Variants in HS3ST3B1 observed in about 807,000 individuals in gnomAD.
HS3ST3B1 encodes the protein heparan sulfate glucosamine 3-O-sulfotransferase 3B1.
In HS3ST3B1, 13 loss-of-function variants were observed where a neutral mutation model predicts 21.3. That is an observed-to-expected ratio of 0.61 (90% CI 0.40 to 0.97). HS3ST3B1 has a LOEUF of 0.97. HS3ST3B1 is among the 50% of genes least tolerant of loss of function. The pLI is 0.00. For synonymous variants in HS3ST3B1, 234 were observed against 254.8 expected, an observed-to-expected ratio of 0.92 and a Z score of 0.78; for missense variants, 459 against 554.8, an observed-to-expected ratio of 0.83 and a Z score of 1.73.
intron 1 of HS3ST3B1, among the ~76,000 whole-genome samples, chr17:14,344,745 A>T (rs925964392): frequency 1.3e-5 from 2 of 152,164 alleles, no homozygotes. Context: ...CTGGGAAAAT[A>T]AGGGAAAGGT....
At chr17:14,305,479 T>C (rs1047709638) in intron 1 of HS3ST3B1, 1 of 152,234 alleles carries the variant, frequency 6.6e-6, no homozygotes, top group African/African-American at 2.4e-5. Context: ...AAAGTTTGAA[T>C]GACCAAAAAT....
intron 1 of HS3ST3B1, among the ~76,000 whole-genome samples, chr17:14,318,014 G>A (rs1487082904): frequency 6.6e-6 from 1 of 152,170 alleles, no homozygotes; most frequent in Non-Finnish European, 1.5e-5. Flanking sequence ...TCCCGATGGT[G>A]TTTGCAAATA....
intron 1 of HS3ST3B1, among the ~76,000 whole-genome samples, chr17:14,318,187 C>G (rs879862127): frequency 6.6e-6 from 1 of 152,058 alleles, no homozygotes; most frequent in Non-Finnish European, 1.5e-5. Flanking sequence ...ACTCCCCGCT[C>G]GGCTCCCCAG....
intron 1 of HS3ST3B1, among the ~76,000 whole-genome samples, chr17:14,320,094 G>A (rs868676493): frequency 6.6e-6 from 1 of 152,170 alleles, no homozygotes; most frequent in Non-Finnish European, 1.5e-5. Context: ...GGAAGGGACA[G>A]GACCTGTCCT....
chr17:14,348,180 G>A lies in HS3ST3B1; in HGVS notation c.*2534G>A, dbSNP rs945712816. ...CACAGGAGCTTTTCCCTCCCCTTCA[G>A]GTCCCCGCCCTCTTTCCAAGCTGGA... On this transcript the variant is annotated 3_prime_UTR_variant, in exon 2 of 2. Transcript: ENST00000360954. 8 of 152,132 alleles carry A rather than the reference G, an allele frequency of 5.3e-5. No individual in the cohort carries two copies. The highest frequency in any genetic ancestry group is 1.0e-4 in the Non-Finnish European group (7 of 68,022). The allele number at this position is 152,132 out of a possible 1,614,324, so 9.4% of individuals were successfully genotyped here. A position where few individuals can be genotyped will look rare whatever the true frequency, so the allele number is the denominator to read the frequency against.
chr17:14,308,593 T>C (rs897096398), intron 1 of HS3ST3B1, among the ~76,000 whole-genome samples: 36 of 152,240 alleles, frequency 2.4e-4, no homozygotes, highest in Admixed American at 1.3e-3. Context: ...TAAAGAGTAC[T>C]GTCCGAGAGG....
chr17:14,314,388 A>G (rs71366148), intron 1 of HS3ST3B1, among the ~76,000 whole-genome samples: 1 of 152,242 alleles, frequency 6.6e-6, no homozygotes, highest in Non-Finnish European at 1.5e-5. Flanking sequence ...GTTGTTGGTA[A>G]CAAGCGCCAA....
intron 1 of HS3ST3B1, among the ~76,000 whole-genome samples, chr17:14,312,616 T>C (rs1224401261): frequency 1.3e-5 from 2 of 152,134 alleles, no homozygotes; most frequent in Admixed American, 6.5e-5. Flanking sequence ...CTGCCATCCC[T>C]GTAGCCCTTG....
Position 14,345,654 on chromosome 17 carries a change from C to T in HS3ST3B1, c.*8C>T, listed in dbSNP as rs1555550569. The T allele has an allele frequency of 5.6e-6, 9 of 1,612,942 alleles. No individual in the cohort carries two copies. Among genetic ancestry groups the T allele is most frequent in the East Asian group, 2.2e-5 (1 of 44,850 alleles). ...GACTTTGGCTGGGATTGAGCAGACC[C>T]GGGCTATGTACCTTACCCACGTGGC... On this transcript the variant is annotated 3_prime_UTR_variant, in exon 2 of 2. Coordinates refer to ENST00000360954, the MANE Select transcript of HS3ST3B1 (RefSeq NM_006041.3).
intron 1 of HS3ST3B1, among the ~76,000 whole-genome samples, chr17:14,331,557 G>C (rs1910012429): frequency 6.6e-6 from 1 of 152,132 alleles, no homozygotes; most frequent in African/African-American, 2.4e-5. Flanking sequence ...GCCTGGAAGA[G>C]GAGGAGGGCT....
At chr17:14,316,964 G>A (rs59925433) in intron 1 of HS3ST3B1, among the ~76,000 whole-genome samples, 22,311 of 152,220 alleles carry the variant, frequency 0.15, 3,119 homozygotes, top group African/African-American at 0.36. Context: ...TACACTTACC[G>A]TAGGTTCTTC....
chr17:14,320,000 T>A (rs1597592470), intron 1 of HS3ST3B1, among the ~76,000 whole-genome samples: 1 of 151,868 alleles, frequency 6.6e-6, no homozygotes, highest in African/African-American at 2.4e-5. Context: ...TTTAAAAAGA[T>A]GAAAAGGTAG....
At chr17:14,343,194 A>G (rs1910441931) in intron 1 of HS3ST3B1, among the ~76,000 whole-genome samples, 1 of 151,834 alleles carries the variant, frequency 6.6e-6, no homozygotes. Context: ...GTGAGCCGAG[A>G]TCGCACCACT....
In HS3ST3B1 at chr17:14,301,260, G is replaced by T. The variant is rs779724871; in HGVS notation, c.-259G>T. ...CGTCGCGCCCCGGGAGCAGACCCTC[G>T]CCCAGCAGTTACCGCCGTCCCGACT... On this transcript the variant is annotated 5_prime_UTR_variant, in exon 1 of 2. Coordinates refer to ENST00000360954, the MANE Select transcript of HS3ST3B1 (RefSeq NM_006041.3). 2 of 487,172 alleles carry T rather than the reference G, an allele frequency of 4.1e-6. No homozygotes were observed. Among genetic ancestry groups the T allele is most frequent in the Non-Finnish European group, 7.2e-6 (2 of 279,434 alleles). The allele number at this position is 487,172 out of a possible 1,614,324, so 30.2% of individuals were successfully genotyped here.
In HS3ST3B1 at chr17:14,345,623, G is replaced by C; in HGVS notation, c.1150G>C (p.Gly384Arg). 2 of 1,613,430 alleles carry C rather than the reference G, an allele frequency of 1.2e-6. No homozygotes were observed. Among genetic ancestry groups the C allele is most frequent in the Non-Finnish European group, 1.7e-6 (2 of 1,179,626 alleles). ...PFNLKFYQMT[G>R]HDFGWD ...CAACCTCAAGTTCTACCAGATGACC[G>C]GGCACGACTTTGGCTGGGATTGAGC... is the stretch of plus-strand genomic sequence containing the variant. Residue 384 changes from glycine (G) to arginine (R), a missense_variant, in exon 2 of 2, where the codon GGG (glycine) becomes CGG (arginine). Coordinates refer to ENST00000360954, the MANE Select transcript of HS3ST3B1 (RefSeq NM_006041.3).
chr17:14,338,723 G>A (rs1378893055), intron 1 of HS3ST3B1, among the ~76,000 whole-genome samples: 1 of 152,146 alleles, frequency 6.6e-6, no homozygotes, highest in Non-Finnish European at 1.5e-5. Flanking sequence ...GATTACAGGT[G>A]TGAGCCAGCA....
At chr17:14,322,121 G>A (rs1039285778) in intron 1 of HS3ST3B1, among the ~76,000 whole-genome samples, 1 of 151,474 alleles carries the variant, frequency 6.6e-6, no homozygotes, top group African/African-American at 2.4e-5. Context: ...AACCTCTTTA[G>A]AAAGGGGGTG....
rs767792686 is a variant in HS3ST3B1, at chr17:14,302,062, G to A, written c.544G>A (p.Ala182Thr). The A allele has an allele frequency of 1.2e-6, 2 of 1,600,390 alleles. No homozygotes were observed. The highest frequency in any genetic ancestry group is 1.7e-6 in the Non-Finnish European group (2 of 1,177,712). ...CGATCGCAGCTACGACAAGGGCCTCGCTTGGTACCGGTGAGTTTCCCTGCC... is the reference window on the plus strand; with the variant it reads ...CGATCGCAGCTACGACAAGGGCCTCACTTGGTACCGGTGAGTTTCCCTGCC... ...FFDRSYDKGL[A>T]WYRDLMPRTL... Residue 182 changes from alanine to threonine, a missense_variant, in exon 1 of 2, where the codon GCT (alanine) becomes ACT (threonine). Ala to Thr is a moderately conservative substitution (Grantham distance 58, BLOSUM62 0). Transcript: ENST00000360954.
At chr17:14,341,347 T>A (rs1320248652) in intron 1 of HS3ST3B1, among the ~76,000 whole-genome samples, 2 of 152,124 alleles carry the variant, frequency 1.3e-5, no homozygotes, top group Non-Finnish European at 1.5e-5. Context: ...ATTGCCCCCC[T>A]GTGGGGTAGA....
Sources: allele counts gnomAD v4.1 joint callset (sites outside exome capture counted in the v4.1 genomes callset), GRCh38; gene constraint gnomAD v4.1.1; transcripts MANE v1.5; gene names NCBI Gene and HGNC (gene_info 2026-07-23, HGNC 2026-07-21).